The following PPEF2 variants were observed in gnomAD, a reference collection of about 807,000 sequenced individuals.
PPEF2 encodes the protein protein phosphatase with EF-hand domain 2.
A neutral mutation model predicts 84.7 loss-of-function variants in PPEF2; 84 were observed. The observed-to-expected ratio is 0.99, with a 90% CI of 0.83 to 1.19. The LOEUF is 1.19. Ranked by LOEUF, PPEF2 falls within the 50% of genes most tolerant of loss-of-function variation. The pLI is 0.00. For synonymous variants in PPEF2, 346 were observed against 345.2 expected (o/e 1.00, Z -0.03); for missense variants, 924 against 937.5 (o/e 0.99, Z 0.19).
At chr4:75,887,157 T>C (rs4241574) in intron 6 of PPEF2, among the ~76,000 whole-genome samples, 134,851 of 152,300 alleles carry the variant, frequency 0.89, 61,749 homozygotes, top group Non-Finnish European at 1. Context: ...TGCGATAGAA[T>C]AGTGCAAGGT....
At chr4:75,889,330 C>G in intron 5 of PPEF2, 1 of 152,672 alleles carries the variant, frequency 6.5e-6, no homozygotes, top group Non-Finnish European at 1.5e-5. Context: ...CCCTGGCTCC[C>G]TCTTCTCCAG....
chr4:75,874,134 A>C (rs953605159), intron 11 of PPEF2, among the ~76,000 whole-genome samples: 1 of 151,276 alleles, frequency 6.6e-6, no homozygotes, highest in African/African-American at 2.4e-5. Context: ...AAACAAATAA[A>C]TAAATAAATA....
intron 8 of PPEF2, 172 bp from the exon 9 acceptor site, chr4:75,883,374 G>A (rs1724628976): frequency 1.7e-6 from 1 of 604,594 alleles, no homozygotes; most frequent in Non-Finnish European, 2.9e-6. Context: ...CCTGGGTAGA[G>A]AAATTATGGG....
chr4:75,899,837 T>C (rs1206936353), intron 1 of PPEF2, among the ~76,000 whole-genome samples: 1 of 152,138 alleles, frequency 6.6e-6, no homozygotes, highest in Non-Finnish European at 1.5e-5. Context: ...ACTTCAGCAA[T>C]GATTCTGCTT....
chr4:75,876,607 C>T lies in PPEF2; in HGVS notation c.1000G>A (p.Ala334Thr), dbSNP rs996019416. ...SEKQMEEKRR[A>T]NQKSSAQGPI... ...CCCTGTGCAGAGCTCTTCTGGTTGGCTCTTCTCTTCTCCTCCATCTGCTTC... is the reference window on the plus strand; with the variant it reads ...CCCTGTGCAGAGCTCTTCTGGTTGGTTCTTCTCTTCTCCTCCATCTGCTTC... The change falls in exon 11 of 17, where the codon GCC (alanine) becomes ACC (threonine). Residue 334 changes from alanine (A) to threonine (T), a missense_variant. Coordinates refer to ENST00000286719, the MANE Select transcript of PPEF2 (RefSeq NM_006239.3). The T allele has an allele frequency of 1.1e-5, 18 of 1,604,674 alleles. No homozygotes were observed. The highest frequency in any genetic ancestry group is 3.4e-5 in the Admixed American group (2 of 58,056).
At chr4:75,890,413 T>C (rs1394796187) in intron 4 of PPEF2, among the ~76,000 whole-genome samples, 1 of 149,108 alleles carries the variant, frequency 6.7e-6, no homozygotes, top group African/African-American at 2.5e-5. Context: ...CACATAAGCC[T>C]GGGATGCAGA....
At chr4:75,888,128 A>T in intron 6 of PPEF2, 86 bp downstream of exon 6, 2 of 1,042,598 alleles carry the variant, frequency 1.9e-6, no homozygotes, top group South Asian at 2.6e-5. Flanking sequence ...ATCTCCCTGC[A>T]GCCCGCCACT....
chr4:75,890,947 C>T (rs1263074125), intron 4 of PPEF2, among the ~76,000 whole-genome samples: 2 of 152,106 alleles, frequency 1.3e-5, no homozygotes, highest in Non-Finnish European at 2.9e-5. Context: ...CTTTGGGAGG[C>T]CGAGGCAGGT....
chr4:75,866,209 T>G lies in PPEF2; in HGVS notation c.1900A>C (p.Lys634Gln), dbSNP rs1490506715. The G allele has an allele frequency of 1.2e-6, 2 of 1,613,310 alleles. No individual in the cohort carries two copies. The highest frequency in any genetic ancestry group is 1.7e-6 in the Non-Finnish European group (2 of 1,179,588). ...EYKSWLKNLAKEQLSRENIQS... is the reference protein window; with the variant it reads ...EYKSWLKNLAQEQLSRENIQS... ...GTTACCTCGCGACTCAGTTGTTCCTTGGCCAAGTTCTTCAGCCAAGACTTG... is the reference window on the plus strand; with the variant it reads ...GTTACCTCGCGACTCAGTTGTTCCTGGGCCAAGTTCTTCAGCCAAGACTTG... The change falls in exon 15 of 17, where the codon AAG (lysine) becomes CAG (glutamine). Residue 634 changes from lysine (K) to glutamine (Q), a missense_variant. Lys to Gln is a moderately conservative substitution (Grantham distance 53, BLOSUM62 1). Coordinates refer to ENST00000286719, the MANE Select transcript of PPEF2 (RefSeq NM_006239.3).
rs1326604195 is a variant in PPEF2, at chr4:75,860,629, C to A, written c.*38G>T. 6.2e-7 allele frequency: 1 copy of A among 1,609,000 alleles called. No homozygotes were observed. The highest frequency in any genetic ancestry group is 8.5e-7 in the Non-Finnish European group (1 of 1,177,126). Reference sequence around the variant, plus strand: ...TAGTCTAGTGAGAAGCTGAGCATTGCCTATGAGGCACTTTGGGTGATGAAG... The same window carrying A: ...TAGTCTAGTGAGAAGCTGAGCATTGACTATGAGGCACTTTGGGTGATGAAG... On this transcript the variant is annotated 3_prime_UTR_variant, in exon 17 of 17. Coordinates refer to ENST00000286719, the MANE Select transcript of PPEF2 (RefSeq NM_006239.3).
intron 2 of PPEF2, among the ~76,000 whole-genome samples, chr4:75,892,493 G>T (rs1266999558): frequency 6.6e-6 from 1 of 152,152 alleles, no homozygotes; most frequent in Non-Finnish European, 1.5e-5. Flanking sequence ...TGGAAAAGGG[G>T]CGGGGCCAGA....
intron 13 of PPEF2, 40 bp downstream of exon 13, chr4:75,871,985 T>A: frequency 6.5e-7 from 1 of 1,533,448 alleles, no homozygotes. Context: ...ATGAACACTA[T>A]AATTTTTTTT....
At position 75,860,814 on chromosome 4, in the gene PPEF2, A is replaced by G; in HGVS notation, c.2115T>C (p.Asp705=). The part of the protein sequence containing the change: ...DCICDLARSI[D]FNKDGHIDIN... ...TATCAATGTGGCCATCTTTGTTGAA[A>G]TCAATGCTCCGAGCAAGGTCACAGA... The change falls in exon 17 of 17, where the codon GAT becomes GAC. Residue 705 remains aspartate, a synonymous_variant. Coordinates refer to ENST00000286719, the MANE Select transcript of PPEF2 (RefSeq NM_006239.3). 6.2e-7 allele frequency: 1 copy of G among 1,614,244 alleles called. No homozygotes were observed. Among genetic ancestry groups the G allele is most frequent in the Non-Finnish European group, 8.5e-7 (1 of 1,180,046 alleles).
intron 13 of PPEF2, among the ~76,000 whole-genome samples, chr4:75,871,598 G>A (rs139745856): frequency 7.6e-4 from 115 of 152,152 alleles, no homozygotes; most frequent in African/African-American, 2.7e-3. Flanking sequence ...AGCCTCCCAA[G>A]TAGCTGGGAC....
intron 7 of PPEF2, among the ~76,000 whole-genome samples, chr4:75,885,939 G>A (rs760530863): frequency 2.0e-5 from 3 of 152,016 alleles, no homozygotes; most frequent in Non-Finnish European, 4.4e-5. Context: ...AACCTGGGAC[G>A]CGGAGGTTGC....
chr4:75,888,237 T>C lies in PPEF2; in HGVS notation c.509A>G (p.Tyr170Cys), dbSNP rs748403912. The change falls in exon 6 of 17, where the codon TAC (tyrosine) becomes TGC (cysteine). Residue 170 changes from tyrosine (Y) to cysteine (C), a missense_variant. Coordinates refer to ENST00000286719, the MANE Select transcript of PPEF2 (RefSeq NM_006239.3). Reference sequence around the variant, plus strand: ...ACCACACACTGTGATCTCCTCACTGTAACAGGTTGAGACCCGGTTGATGTT... The same window carrying C: ...ACCACACACTGTGATCTCCTCACTGCAACAGGTTGAGACCCGGTTGATGTT... ...LPNINRVSTC[Y>C]SEEITVCGDL... 1 of 1,613,292 alleles carries C rather than the reference T, an allele frequency of 6.2e-7. No individual in the cohort carries two copies. The highest frequency in any genetic ancestry group is 1.1e-5 in the South Asian group (1 of 91,062).
intron 14 of PPEF2, 57 bp from the exon 15 acceptor site, chr4:75,866,409 A>G (rs1464611593): frequency 1.1e-5 from 17 of 1,582,864 alleles, no homozygotes; most frequent in South Asian, 7.9e-5. Flanking sequence ...TTCCTGCCCA[A>G]TGGTGTGTAT....
At chr4:75,896,247 G>A in intron 2 of PPEF2, 24 bp downstream of exon 2, 1 of 1,611,184 alleles carries the variant, frequency 6.2e-7, no homozygotes, top group Non-Finnish European at 8.5e-7. Flanking sequence ...CCCACAGCTG[G>A]TTTGGAAAGT....
rs183711130 is a variant in PPEF2, at chr4:75,885,564, T to A, written c.580-804A>T. ...TTTGCTGCAACAGAGTAGCAAATAT[T>A]ATTAAAAATAATATCTTAGGCTGGG... On this transcript the variant is annotated intron_variant, in intron 7 of 16. Transcript: ENST00000286719. Among the ~76,000 whole-genome samples the A allele has an allele frequency of 3.7e-3, 560 of 152,332 alleles. 5 individuals carry two copies. The highest frequency in any genetic ancestry group is 7.7e-3 in the South Asian group (37 of 4,830).
Sources: allele counts gnomAD v4.1 joint callset (sites outside exome capture counted in the v4.1 genomes callset), GRCh38; gene constraint gnomAD v4.1.1; transcripts MANE v1.5; gene names NCBI Gene and HGNC (gene_info 2026-07-23, HGNC 2026-07-21).